Variants in TP63 observed in about 807,000 individuals in gnomAD.
TP63 encodes the protein tumor protein 63.
In TP63, 17 loss-of-function variants were observed where a neutral mutation model predicts 82.8. The ratio of observed to expected loss-of-function variants is 0.21; its 90% CI spans 0.14 to 0.31. TP63 has a LOEUF of 0.31. TP63 is among the 10% of genes least tolerant of loss of function. TP63 has a pLI of 1.00. For synonymous variants in TP63, 330 were observed against 321.7 expected (o/e 1.03, Z -0.28); for missense variants, 648 against 895.3 (o/e 0.72, Z 3.52).
Position 189,699,623 on chromosome 3 carries a change from T to C in TP63, c.63-38117T>C, listed in dbSNP as rs188790152. Among the ~76,000 whole-genome samples the C allele has an allele frequency of 1.6e-3, 244 of 152,300 alleles. 1 individual carries two copies. Among genetic ancestry groups the C allele is most frequent in the African/African-American group, 5.1e-3 (210 of 41,566 alleles). ...GAAAGTAGGATCTACCTGCCCTTCATTAACATAGGTTAATATCTGGTAAAA... is the reference window on the plus strand; with the variant it reads ...GAAAGTAGGATCTACCTGCCCTTCACTAACATAGGTTAATATCTGGTAAAA... On this transcript the variant is annotated intron_variant, in intron 1 of 13. Coordinates refer to ENST00000264731, the MANE Select transcript of TP63 (RefSeq NM_003722.5).
At chr3:189,664,409 G>A (rs934366155) in intron 1 of TP63, among the ~76,000 whole-genome samples, 1 of 152,030 alleles carries the variant, frequency 6.6e-6, no homozygotes, top group Non-Finnish European at 1.5e-5. Flanking sequence ...AGAGATGGTC[G>A]GTCTTTGGTA....
chr3:189,822,432 T>G (rs1397792092), intron 4 of TP63, among the ~76,000 whole-genome samples: 1 of 152,188 alleles, frequency 6.6e-6, no homozygotes, highest in East Asian at 1.9e-4. Flanking sequence ...AAATGGTCCA[T>G]AGAAGACATA....
chr3:189,832,700 C>A (rs1712545552), intron 4 of TP63, among the ~76,000 whole-genome samples: 2 of 152,090 alleles, frequency 1.3e-5, no homozygotes, highest in Admixed American at 6.5e-5. Flanking sequence ...ATGTTGAGTA[C>A]CAGGTCAAAA....
chr3:189,814,457 G>A (rs1334224116), intron 4 of TP63, among the ~76,000 whole-genome samples: 2 of 152,118 alleles, frequency 1.3e-5, no homozygotes, highest in Non-Finnish European at 2.9e-5. Flanking sequence ...ACATGTGTTC[G>A]TGTTTATCAT....
chr3:189,740,812 G>A (rs564793806), intron 3 of TP63, among the ~76,000 whole-genome samples: 10 of 152,116 alleles, frequency 6.6e-5, no homozygotes, highest in African/African-American at 2.4e-4. Flanking sequence ...AGCATGTATT[G>A]TCTTAATGTG....
the TP63 span, among the ~76,000 whole-genome samples, chr3:189,600,786 T>A: frequency 6.6e-6 from 1 of 152,216 alleles, no homozygotes; most frequent in East Asian, 1.9e-4. Context: ...CAAAAAGGCA[T>A]CTAAAGAACC....
chr3:189,805,938 A>G (rs1726837289), intron 3 of TP63, among the ~76,000 whole-genome samples: 2 of 149,738 alleles, frequency 1.3e-5, no homozygotes, highest in South Asian at 4.2e-4. Context: ...AGTCAAGGAC[A>G]TTTTCCTGCT....
At chr3:189,624,358 T>A in the TP63 span, among the ~76,000 whole-genome samples, 1 of 152,182 alleles carries the variant, frequency 6.6e-6, no homozygotes, top group Non-Finnish European at 1.5e-5. Flanking sequence ...TTTAATGTTA[T>A]AAGTATTTCA....
intron 3 of TP63, among the ~76,000 whole-genome samples, chr3:189,777,801 A>G (rs1293896954): frequency 7.3e-6 from 1 of 137,100 alleles, no homozygotes; most frequent in Non-Finnish European, 1.6e-5. Context: ...CTAGATGAGG[A>G]AGTCTTTGGA....
chr3:189,628,925 C>T (rs1729375759), upstream of TP63, among the ~76,000 whole-genome samples: 1 of 152,002 alleles, frequency 6.6e-6, no homozygotes. Flanking sequence ...GCAATAGGAG[C>T]CAATCTTTTT....
At chr3:189,796,710 A>C (rs889027974) in intron 3 of TP63, among the ~76,000 whole-genome samples, 4 of 152,224 alleles carry the variant, frequency 2.6e-5, no homozygotes, top group Admixed American at 2.6e-4. Flanking sequence ...AAATCTTTTC[A>C]AAAGTCTTAC....
intron 3 of TP63, among the ~76,000 whole-genome samples, chr3:189,750,649 C>T (rs894513073): frequency 2.6e-5 from 4 of 151,884 alleles, no homozygotes; most frequent in African/African-American, 7.3e-5. Context: ...GGTAATAAAA[C>T]GTTGGACTCT....
At chr3:189,677,318 A>G (rs1205078728) in intron 1 of TP63, among the ~76,000 whole-genome samples, 2 of 147,220 alleles carry the variant, frequency 1.4e-5, no homozygotes, top group Non-Finnish European at 3.0e-5. Flanking sequence ...TATATTCTAT[A>G]TACACACACA....
chr3:189,816,493 C>A (rs35842958), intron 4 of TP63, among the ~76,000 whole-genome samples: 87,032 of 151,992 alleles, frequency 0.57, 25,210 homozygotes, highest in African/African-American at 0.64. Flanking sequence ...CATGAAAAGT[C>A]CTCAGCAGTT....
intron 1 of TP63, among the ~76,000 whole-genome samples, chr3:189,663,118 T>G (rs1049115687): frequency 2.6e-5 from 4 of 152,176 alleles, no homozygotes; most frequent in African/African-American, 9.6e-5. Context: ...CCTCCGGTCT[T>G]ACTGATGTTT....
Position 189,872,743 on chromosome 3 carries a change from C to T in TP63, c.1213-116C>T, listed in dbSNP as rs562106116. 147 of 1,435,840 alleles carry T rather than the reference C, an allele frequency of 1.0e-4. 1 individual carries two copies. The highest frequency in any genetic ancestry group is 2.0e-4 in the African/African-American group (14 of 71,048). The allele number at this position is 1,435,840 out of a possible 1,614,324, so 88.9% of individuals were successfully genotyped here. On this transcript the variant is annotated intron_variant, in intron 9 of 13. Coordinates refer to ENST00000264731, the MANE Select transcript of TP63 (RefSeq NM_003722.5). Reference sequence around the variant, plus strand: ...TGTTGATTTTCATGTTACAAATAAACGTTAGCAAATAAACAAATTGCAATT... The same window carrying T: ...TGTTGATTTTCATGTTACAAATAAATGTTAGCAAATAAACAAATTGCAATT...
intron 1 of TP63, among the ~76,000 whole-genome samples, chr3:189,672,238 T>G (rs962564420): frequency 2.0e-5 from 3 of 151,980 alleles, no homozygotes; most frequent in Non-Finnish European, 2.9e-5. Context: ...CAGAGGCAAA[T>G]TTACAGCTTT....
chr3:189,659,065 T>C (rs961817735), intron 1 of TP63, among the ~76,000 whole-genome samples: 3 of 152,098 alleles, frequency 2.0e-5, no homozygotes, highest in Non-Finnish European at 4.4e-5. Flanking sequence ...CATTTATTTT[T>C]AATTATTTCA....
intron 3 of TP63, among the ~76,000 whole-genome samples, chr3:189,805,935 G>A (rs1183626584): frequency 6.6e-6 from 1 of 151,522 alleles, no homozygotes; most frequent in African/African-American, 2.4e-5. Context: ...CCAAGTCAAG[G>A]ACATTTTCCT....
Sources: gnomAD v4.1 joint callset for allele counts (sites outside exome capture counted in the v4.1 genomes callset) on GRCh38, gnomAD v4.1.1 for gene constraint, MANE v1.5 for transcripts, NCBI Gene and HGNC (gene_info 2026-07-23, HGNC 2026-07-21) for gene names.